The following ALK variants were observed in gnomAD, a reference collection of about 807,000 sequenced individuals.
ALK encodes ALK tyrosine kinase receptor.
In ALK, 74 loss-of-function variants were observed where a neutral mutation model predicts 163.1. The ratio of observed to expected loss-of-function variants is 0.45; its 90% CI spans 0.38 to 0.55. The LOEUF is 0.55. Ranked by LOEUF, ALK falls within the 20% of genes least tolerant of loss-of-function variation. The probability of loss-of-function intolerance (pLI) is 0.00; values close to 1 mark genes in which losing one functional copy is unlikely to be tolerated. For synonymous variants in ALK, 960 were observed against 843.2 expected (o/e 1.14, Z -2.40); for missense variants, 2,063 against 2,105.3 (o/e 0.98, Z 0.39).
chr2:29,715,626 A>G (rs1679226609), intron 2 of ALK, among the ~76,000 whole-genome samples: 1 of 152,166 alleles, frequency 6.6e-6, no homozygotes, highest in African/African-American at 2.4e-5. Context: ...GAGTGGGTAG[A>G]TTTACCCCTT....
At chr2:29,731,727 A>G (rs1404055411) in intron 1 of ALK, among the ~76,000 whole-genome samples, 1 of 152,254 alleles carries the variant, frequency 6.6e-6, no homozygotes, top group East Asian at 1.9e-4. Context: ...CCAAAGATAT[A>G]TATTTTCATT....
intron 2 of ALK, 55 bp from the exon 3 acceptor site, chr2:29,695,069 C>T (rs1678515678): frequency 1.2e-6 from 2 of 1,605,466 alleles, no homozygotes; most frequent in Non-Finnish European, 1.7e-6. Context: ...CGTGACTTTT[C>T]AGCCCCCTCC....
chr2:29,252,547 G>C (rs771723854), intron 11 of ALK, among the ~76,000 whole-genome samples: 3 of 152,162 alleles, frequency 2.0e-5, no homozygotes, highest in African/African-American at 4.8e-5. Context: ...CCATGGGCAG[G>C]GTTGCTAATC....
At chr2:29,567,050 A>C (rs1674212280) in intron 3 of ALK, among the ~76,000 whole-genome samples, 1 of 152,212 alleles carries the variant, frequency 6.6e-6, no homozygotes, top group African/African-American at 2.4e-5. Flanking sequence ...TTGTCAACTT[A>C]AATTATATAA....
At chr2:29,657,606 G>A (rs1044682142) in intron 3 of ALK, among the ~76,000 whole-genome samples, 2 of 152,142 alleles carry the variant, frequency 1.3e-5, no homozygotes, top group Non-Finnish European at 2.9e-5. Flanking sequence ...TGGCTCTGCT[G>A]TCAAGAAAAA....
chr2:29,198,778 T>C (rs1476378137), intron 26 of ALK, among the ~76,000 whole-genome samples: 1 of 152,212 alleles, frequency 6.6e-6, no homozygotes, highest in Non-Finnish European at 1.5e-5. Flanking sequence ...ATTCACATGG[T>C]TGGATGTTTT....
chr2:29,266,787 A>G (rs929081888), intron 11 of ALK, among the ~76,000 whole-genome samples: 11 of 152,182 alleles, frequency 7.2e-5, no homozygotes, highest in Non-Finnish European at 1.3e-4. Flanking sequence ...AAGCATCTGT[A>G]GAATATTGAA....
At chr2:29,490,655 A>G (rs568273557) in intron 4 of ALK, among the ~76,000 whole-genome samples, 2 of 152,326 alleles carry the variant, frequency 1.3e-5, no homozygotes, top group South Asian at 4.1e-4. Flanking sequence ...TATGGATGCC[A>G]CGGGCCTCTT....
At chr2:29,267,309 T>A (rs1665246751) in intron 11 of ALK, among the ~76,000 whole-genome samples, 1 of 152,174 alleles carries the variant, frequency 6.6e-6, no homozygotes. Context: ...ACACCCTAAC[T>A]GCAACCTTAC....
At chr2:29,511,504 T>C (rs541103948) in intron 4 of ALK, among the ~76,000 whole-genome samples, 28 of 152,326 alleles carry the variant, frequency 1.8e-4, no homozygotes, top group African/African-American at 6.5e-4. Flanking sequence ...TAGTGTTCCA[T>C]AGTATAGATA....
In ALK at chr2:29,224,719, C is replaced by T. The variant is rs537833916; in HGVS notation, c.3172+742G>A. The T allele has an allele frequency of 1.2e-4, 27 of 217,422 alleles. 1 individual carries two copies. The South Asian group carries it at 3.9e-3, about 31-fold the overall frequency. The allele number at this position is 217,422 out of a possible 1,614,324, so 13.5% of individuals were successfully genotyped here. A position where few individuals can be genotyped will look rare whatever the true frequency, so the allele number is the denominator to read the frequency against. On this transcript the variant is annotated intron_variant, in intron 19 of 28. Coordinates refer to ENST00000389048, the MANE Select transcript of ALK (RefSeq NM_004304.5). ...ATTGAAATGTGTAAATTGCCGAGCA[C>T]GTAGTAACCATGCAACAAGTGTTAG...
intron 3 of ALK, among the ~76,000 whole-genome samples, chr2:29,586,879 T>C (rs1403995574): frequency 6.6e-6 from 1 of 152,242 alleles, no homozygotes; most frequent in Non-Finnish European, 1.5e-5. Flanking sequence ...CTCTAGTCAG[T>C]TCCCACAATT....
chr2:29,473,386 T>C (rs983208491), intron 4 of ALK, among the ~76,000 whole-genome samples: 1 of 152,192 alleles, frequency 6.6e-6, no homozygotes, highest in Non-Finnish European at 1.5e-5. Context: ...AATATATTTA[T>C]GATATCAAGG....
intron 3 of ALK, among the ~76,000 whole-genome samples, chr2:29,592,778 A>G (rs1675098130): frequency 6.6e-6 from 1 of 152,090 alleles, no homozygotes; most frequent in Non-Finnish European, 1.5e-5. Context: ...ATCCAAAGAG[A>G]GGCAGGAGAA....
chr2:29,323,943 G>A (rs559889774), intron 6 of ALK, among the ~76,000 whole-genome samples: 1 of 152,314 alleles, frequency 6.6e-6, no homozygotes, highest in East Asian at 1.9e-4. Flanking sequence ...GTGGTCCAGG[G>A]ACCAGCTGTA....
chr2:29,830,236 T>C (rs920895652), intron 1 of ALK, among the ~76,000 whole-genome samples: 1 of 152,184 alleles, frequency 6.6e-6, no homozygotes, highest in Non-Finnish European at 1.5e-5. Flanking sequence ...TGGCAAGGAG[T>C]TCTTTTCCCT....
At chr2:29,889,498 ATAAT>A (rs1436868321) in intron 1 of ALK, among the ~76,000 whole-genome samples, 1 of 151,646 alleles carries the variant, frequency 6.6e-6, no homozygotes, top group African/African-American at 2.4e-5. Flanking sequence ...TTTCCTTTAA[ATAAT>A]AGATGGATGG....
chr2:29,739,100 A>G (rs904721995), intron 1 of ALK, among the ~76,000 whole-genome samples: 16 of 151,696 alleles, frequency 1.1e-4, no homozygotes, highest in African/African-American at 3.9e-4. Context: ...ATAGCCAGGC[A>G]TAGTGGCACC....
intron 16 of ALK, 111 bp downstream of exon 16, chr2:29,228,773 C>T: frequency 1.3e-6 from 1 of 773,268 alleles, no homozygotes; most frequent in East Asian, 2.5e-5. Flanking sequence ...AGTCACATCA[C>T]AGTCCACACT....
Sources: gnomAD v4.1 joint callset for allele counts (sites outside exome capture counted in the v4.1 genomes callset) on GRCh38, gnomAD v4.1.1 for gene constraint, MANE v1.5 for transcripts, NCBI Gene and HGNC (gene_info 2026-07-23, HGNC 2026-07-21) for gene names.